The following ABLIM1 variants were observed in gnomAD, a reference collection of about 807,000 sequenced individuals.
ABLIM1 encodes the protein actin-binding LIM protein 1.
In ABLIM1, 40 loss-of-function variants were observed where a neutral mutation model predicts 107.0. The ratio of observed to expected loss-of-function variants is 0.37; its 90% CI spans 0.29 to 0.49. ABLIM1 has a LOEUF of 0.49. ABLIM1 is among the 20% of genes least tolerant of loss of function. The probability of loss-of-function intolerance (pLI) is 0.97; values close to 1 mark genes in which losing one functional copy is unlikely to be tolerated. For missense variants in ABLIM1, 857 were observed against 1,008.5 expected (o/e 0.85, Z 2.04); for synonymous variants, 357 against 357.3 (o/e 1.00, Z 0.01).
At chr10:114,784,678 A>G in the ABLIM1 span, among the ~76,000 whole-genome samples, 6,595 of 132,052 alleles carry the variant, frequency 0.05, 484 homozygotes, top group African/African-American at 0.17. Context: ...AAAAAAAAAA[A>G]AAAAAGAAAA....
At chr10:114,737,426 C>T (rs1166854569) in intron 1 of ABLIM1, among the ~76,000 whole-genome samples, 1 of 152,150 alleles carries the variant, frequency 6.6e-6, no homozygotes, top group Non-Finnish European at 1.5e-5. Flanking sequence ...ACGACATCAC[C>T]CTCAGTGCTT....
At chr10:114,475,828 G>A (rs2056284003) in intron 8 of ABLIM1, among the ~76,000 whole-genome samples, 1 of 152,172 alleles carries the variant, frequency 6.6e-6, no homozygotes, top group South Asian at 2.1e-4. Context: ...AAGCTCTGCA[G>A]AGAAAACTCA....
At chr10:114,511,455 T>G (rs1457727706) in intron 6 of ABLIM1, among the ~76,000 whole-genome samples, 2 of 151,934 alleles carry the variant, frequency 1.3e-5, no homozygotes, top group Non-Finnish European at 2.9e-5. Flanking sequence ...AACCTCCACC[T>G]CCTAGGTTCA....
intron 4 of ABLIM1, among the ~76,000 whole-genome samples, chr10:114,563,806 A>G (rs917983708): frequency 1.4e-5 from 2 of 141,364 alleles, no homozygotes; most frequent in African/African-American, 2.7e-5. Context: ...AGATTGCACC[A>G]CTGTACTCCA....
intron 5 of ABLIM1, among the ~76,000 whole-genome samples, chr10:114,546,708 T>C (rs1421615992): frequency 6.6e-6 from 1 of 152,254 alleles, no homozygotes; most frequent in African/African-American, 2.4e-5. Context: ...ACTATATTTT[T>C]AAACTACATT....
At chr10:114,791,610 C>T in the ABLIM1 span, among the ~76,000 whole-genome samples, 9 of 151,556 alleles carry the variant, frequency 5.9e-5, no homozygotes, top group African/African-American at 2.2e-4. Context: ...TGCACTCCAG[C>T]CTGGACGACA....
At chr10:114,730,894 T>G (rs2082059000) in intron 1 of ABLIM1, among the ~76,000 whole-genome samples, 1 of 152,162 alleles carries the variant, frequency 6.6e-6, no homozygotes, top group African/African-American at 2.4e-5. Flanking sequence ...GGATATTTCA[T>G]GTAAATAGAA....
chr10:114,621,326 G>GTTCTAAAGAACTGCAAGTT (rs2077451650), intron 1 of ABLIM1, among the ~76,000 whole-genome samples: 11 of 152,238 alleles, frequency 7.2e-5, no homozygotes, highest in African/African-American at 2.2e-4. Flanking sequence ...GAAAGTGAGT[G>GTTCTAAAGAACTGCAAGTT]CTTTCAGGTC....
intron 1 of ABLIM1, among the ~76,000 whole-genome samples, chr10:114,709,568 G>A (rs1257310617): frequency 6.6e-6 from 1 of 152,140 alleles, no homozygotes; most frequent in Non-Finnish European, 1.5e-5. Flanking sequence ...TTGTGTATGA[G>A]ATTGTTTTAT....
At chr10:114,613,652 C>T in intron 1 of ABLIM1, 1 of 1,322,132 alleles carries the variant, frequency 7.6e-7, no homozygotes. Context: ...CAAACCTGCC[C>T]TCACCTGGGT....
At chr10:114,484,230 A>G (rs943578420) in intron 8 of ABLIM1, among the ~76,000 whole-genome samples, 4 of 152,196 alleles carry the variant, frequency 2.6e-5, no homozygotes, top group African/African-American at 7.2e-5. Flanking sequence ...TTACCTAACT[A>G]TGATGGGTCT....
intron 1 of ABLIM1, among the ~76,000 whole-genome samples, chr10:114,674,259 C>T (rs2080382378): frequency 1.4e-5 from 2 of 145,614 alleles, no homozygotes; most frequent in Non-Finnish European, 3.0e-5. Flanking sequence ...CACTGCATTC[C>T]AGCCTGGGCC....
At chr10:114,501,217 T>C (rs754774561) in intron 6 of ABLIM1, among the ~76,000 whole-genome samples, 6 of 152,176 alleles carry the variant, frequency 3.9e-5, no homozygotes, top group Non-Finnish European at 5.9e-5. Flanking sequence ...ATTTCACAGA[T>C]GAGGAAATCA....
chr10:114,783,105 A>C, the ABLIM1 span, among the ~76,000 whole-genome samples: 1 of 151,910 alleles, frequency 6.6e-6, no homozygotes, highest in Non-Finnish European at 1.5e-5. Context: ...AACATAGTGA[A>C]ACCCTGTCTC....
the ABLIM1 span, among the ~76,000 whole-genome samples, chr10:114,774,779 T>C: frequency 6.6e-6 from 1 of 152,104 alleles, no homozygotes; most frequent in African/African-American, 2.4e-5. Context: ...ATGTTAAATA[T>C]TTTAGATGTA....
intron 1 of ABLIM1, among the ~76,000 whole-genome samples, chr10:114,649,275 C>T (rs1418266658): frequency 1.3e-5 from 2 of 151,878 alleles, no homozygotes; most frequent in South Asian, 2.1e-4. Context: ...GTGGTGCATG[C>T]CTGTAATCCT....
chr10:114,439,689 A>G (rs2139093084), intron 20 of ABLIM1: 1 of 350,650 alleles, frequency 2.9e-6, no homozygotes, highest in East Asian at 6.3e-5. Flanking sequence ...GCTCTCTCCT[A>G]TTGGCTAAGA....
chr10:114,506,136 A>G (rs950125848), intron 6 of ABLIM1, among the ~76,000 whole-genome samples: 19 of 152,214 alleles, frequency 1.2e-4, no homozygotes, highest in Non-Finnish European at 1.8e-4. Context: ...TTCCTGTATT[A>G]GTTCACCTAG....
chr10:114,584,861 T>A lies in ABLIM1; in HGVS notation c.380-9262A>T, dbSNP rs189732837. Among the ~76,000 whole-genome samples, 18 of 152,300 alleles carry A rather than the reference T, an allele frequency of 1.2e-4. No individual in the cohort carries two copies. In the East Asian group the frequency reaches 3.3e-3, roughly 28 times the overall value. On this transcript the variant is annotated intron_variant, in intron 2 of 22. Coordinates refer to ENST00000533213, the MANE Select transcript of ABLIM1 (RefSeq NM_002313.7). ...GAGCCCTGATTGGAAAGAAATCATTTTGAAACCTCTATTTATTAATAAAAT... is the reference window on the plus strand; with the variant it reads ...GAGCCCTGATTGGAAAGAAATCATTATGAAACCTCTATTTATTAATAAAAT...
Sources: allele counts gnomAD v4.1 joint callset (sites outside exome capture counted in the v4.1 genomes callset), GRCh38; gene constraint gnomAD v4.1.1; transcripts MANE v1.5; gene names NCBI Gene and HGNC (gene_info 2026-07-23, HGNC 2026-07-21).